The following HLCS variants were observed in gnomAD, a reference collection of about 807,000 sequenced individuals.
HLCS encodes holocarboxylase synthetase, also known as biotin--protein ligase.
Under a neutral mutation model 75.0 loss-of-function variants are expected in HLCS, and 53 were observed. That is an observed-to-expected ratio of 0.71 (90% CI 0.57 to 0.89). The LOEUF (loss-of-function observed/expected upper bound fraction) is 0.89. Among genes scored for constraint, HLCS ranks in the 40% least tolerant of loss-of-function variants. The pLI, the probability that HLCS is intolerant of heterozygous loss-of-function variation, is 0.00. For missense variants in HLCS, 966 were observed against 1,074.0 expected (o/e 0.90, Z 1.41); for synonymous variants, 431 against 428.6 (o/e 1.01, Z -0.07).
At chr21:36,956,153 G>C (rs1013208638) in intron 2 of HLCS, among the ~76,000 whole-genome samples, 1 of 152,218 alleles carries the variant, frequency 6.6e-6, no homozygotes, top group South Asian at 2.1e-4. Flanking sequence ...CAAAAACGTG[G>C]TGTCTGTTAA....
chr21:36,948,430 T>G (rs1051277677), intron 2 of HLCS: 1 of 151,436 alleles, frequency 6.6e-6, no homozygotes, highest in Non-Finnish European at 1.5e-5. Context: ...TTTCACTTGA[T>G]ATTATGTAAA....
intron 5 of HLCS, among the ~76,000 whole-genome samples, chr21:36,923,982 AGCCGGT>A (rs1292470083): frequency 6.6e-6 from 1 of 152,228 alleles, no homozygotes; most frequent in African/African-American, 2.4e-5. Flanking sequence ...AGCTGCCTTT[AGCCGGT>A]GCCGTATTGT....
At chr21:36,924,218 T>C (rs1334902555) in intron 5 of HLCS, among the ~76,000 whole-genome samples, 1 of 152,202 alleles carries the variant, frequency 6.6e-6, no homozygotes, top group Non-Finnish European at 1.5e-5. Context: ...TGTTAAAAAA[T>C]GGCAGGCAAA....
At chr21:36,955,840 G>GT in intron 2 of HLCS, among the ~76,000 whole-genome samples, 1 of 152,260 alleles carries the variant, frequency 6.6e-6, no homozygotes, top group Non-Finnish European at 1.5e-5. Flanking sequence ...CAGGTGTACT[G>GT]TTTTTTATCT....
At chr21:36,849,721 C>G (rs535136905) in intron 6 of HLCS, among the ~76,000 whole-genome samples, 15 of 152,228 alleles carry the variant, frequency 9.9e-5, no homozygotes, top group Admixed American at 5.2e-4. Flanking sequence ...TAGCCTGATT[C>G]TCTGACCTTC....
intron 6 of HLCS, among the ~76,000 whole-genome samples, chr21:36,867,734 T>C (rs1371377070): frequency 6.6e-6 from 1 of 152,234 alleles, no homozygotes; most frequent in Non-Finnish European, 1.5e-5. Flanking sequence ...ACACTACTTA[T>C]TATGTTCTGT....
Position 36,936,798 on chromosome 21 carries a change from A to C in HLCS, c.1088T>G (p.Leu363Arg), listed in dbSNP as rs28934602. 6.2e-7 allele frequency: 1 copy of C among 1,614,072 alleles called. No individual in the cohort carries two copies. Among genetic ancestry groups the C allele is most frequent in the Admixed American group, 1.7e-5 (1 of 60,004 alleles). ...GGACTCCCTGGTAGCAATGACCAAC[A>C]GCAGACAGTTGTCCGTCCACGGGTC... Reference protein sequence around the residue: ...LRDPWTDNCLLLVIATRESIP... With the variant: ...LRDPWTDNCLRLVIATRESIP... The change falls in exon 4 of 11, where the codon CTG becomes CGG. Residue 363 changes from leucine (L) to arginine (R), a missense_variant. Leu to Arg is a moderately radical substitution (Grantham distance 102). Transcript: ENST00000674895.
chr21:36,791,573 G>A (rs2060865409), intron 6 of HLCS, among the ~76,000 whole-genome samples: 1 of 152,186 alleles, frequency 6.6e-6, no homozygotes. Flanking sequence ...TTCTCTTACG[G>A]TGTGGATTTT....
In HLCS at chr21:36,842,776, T is replaced by A. The variant is rs1490406228; in HGVS notation, c.1892+54084A>T. The stretch of plus-strand genomic sequence containing the variant: ...AAACAACAACCAAAAAAACTATCTT[T>A]ATTATTGATAAAACAATTCAAGGCC... On this transcript the variant is annotated intron_variant, in intron 6 of 10. Coordinates refer to ENST00000674895, the MANE Select transcript of HLCS (RefSeq NM_001352514.2). The surrounding 1 kb of genome is among the most constrained non-coding windows in gnomAD (Gnocchi z 4.2). 6.6e-6 allele frequency among the ~76,000 whole-genome samples: 1 copy of A among 152,068 alleles called. No homozygotes were observed. Among genetic ancestry groups the A allele is most frequent in the African/African-American group, 2.4e-5 (1 of 41,398 alleles).
intron 6 of HLCS, among the ~76,000 whole-genome samples, chr21:36,894,237 T>G (rs1361273502): frequency 6.6e-6 from 1 of 152,246 alleles, no homozygotes; most frequent in Non-Finnish European, 1.5e-5. Context: ...CCATGCTTCC[T>G]GTACAGCCTG....
chr21:36,910,406 C>T (rs1255951345), intron 5 of HLCS, among the ~76,000 whole-genome samples: 1 of 152,126 alleles, frequency 6.6e-6, no homozygotes, highest in East Asian at 1.9e-4. Context: ...ATTAGCCAGG[C>T]GTGGTGATGG....
intron 6 of HLCS, among the ~76,000 whole-genome samples, chr21:36,878,683 T>C (rs2064081515): frequency 6.6e-6 from 1 of 152,166 alleles, no homozygotes; most frequent in Admixed American, 6.5e-5. Flanking sequence ...GCTTTACCAC[T>C]CATCTCATTG....
At chr21:36,854,404 TGCTCATTTAAAAA>T (rs972016844) in intron 6 of HLCS, among the ~76,000 whole-genome samples, 1 of 152,172 alleles carries the variant, frequency 6.6e-6, no homozygotes. Flanking sequence ...CTTAGAGTGA[TGCTCATTTAAAAA>T]GCTCATTTTA....
At chr21:36,989,205 T>C (rs1464097597) in intron 1 of HLCS, among the ~76,000 whole-genome samples, 1 of 151,676 alleles carries the variant, frequency 6.6e-6, no homozygotes, top group Non-Finnish European at 1.5e-5. Context: ...AGAGGGGTTT[T>C]CGCCATGTTG....
intron 6 of HLCS, among the ~76,000 whole-genome samples, chr21:36,771,281 C>T (rs1319164070): frequency 6.6e-6 from 1 of 151,690 alleles, no homozygotes; most frequent in Non-Finnish European, 1.5e-5. Context: ...AGACAATCAA[C>T]AATAGTTATT....
chr21:36,781,213 T>C (rs1440020846), intron 6 of HLCS, among the ~76,000 whole-genome samples: 2 of 145,412 alleles, frequency 1.4e-5, no homozygotes, highest in Non-Finnish European at 3.0e-5. Flanking sequence ...GCTGAGATCA[T>C]GCCATTGCAC....
intron 6 of HLCS, among the ~76,000 whole-genome samples, chr21:36,837,848 AC>A (rs1288916166): frequency 6.6e-6 from 1 of 152,192 alleles, no homozygotes; most frequent in African/African-American, 2.4e-5. Context: ...TCTGCAGCTA[AC>A]CAAGTTCTTA....
chr21:36,886,369 C>G (rs774142586), intron 6 of HLCS, among the ~76,000 whole-genome samples: 2 of 146,430 alleles, frequency 1.4e-5, no homozygotes, highest in Non-Finnish European at 3.0e-5. Context: ...GAAGGCAGAG[C>G]TTGCAGCGAG....
chr21:36,930,521 TA>T (rs2066593995), intron 4 of HLCS, 88 bp from the exon 5 acceptor site: 313 of 1,125,530 alleles, frequency 2.8e-4, no homozygotes, highest in Non-Finnish European at 3.4e-4. Flanking sequence ...TTTTTTTTTT[TA>T]AATTTAGAGA....
Sources: gnomAD v4.1 joint callset for allele counts (sites outside exome capture counted in the v4.1 genomes callset) on GRCh38, gnomAD v4.1.1 for gene constraint, Gnocchi (gnomAD v3.1) non-coding constraint, MANE v1.5 for transcripts, NCBI Gene and HGNC (gene_info 2026-07-23, HGNC 2026-07-21) for gene names.